The following CALN1 variants were observed in gnomAD, a reference collection of about 807,000 sequenced individuals.
CALN1 encodes the protein calcium-binding protein 8.
In CALN1, 17 loss-of-function variants were observed where a neutral mutation model predicts 30.6. The ratio of observed to expected loss-of-function variants is 0.56; its 90% CI spans 0.38 to 0.83. CALN1 has a LOEUF of 0.83. CALN1 is among the 40% of genes least tolerant of loss of function. CALN1 has a pLI of 0.00. For synonymous variants in CALN1, 156 were observed against 131.4 expected (o/e 1.19, Z -1.28); for missense variants, 291 against 354.9 (o/e 0.82, Z 1.45).
intron 5 of CALN1, among the ~76,000 whole-genome samples, chr7:71,820,962 G>A (rs943981814): frequency 2.0e-5 from 3 of 152,138 alleles, no homozygotes; most frequent in African/African-American, 4.8e-5. Flanking sequence ...AAGGCGAATG[G>A]GCCATCCAGG....
At chr7:71,827,771 T>TAAA (rs1554347602) in intron 5 of CALN1, among the ~76,000 whole-genome samples, 18 of 96,938 alleles carry the variant, frequency 1.9e-4, no homozygotes, top group African/African-American at 5.0e-4. Flanking sequence ...GACTCCATCT[T>TAAA]AAAAAAATAA....
At chr7:72,336,123 G>A (rs1802014465) in intron 2 of CALN1, among the ~76,000 whole-genome samples, 1 of 152,220 alleles carries the variant, frequency 6.6e-6, no homozygotes, top group Non-Finnish European at 1.5e-5. Flanking sequence ...CCCGGACTCG[G>A]GGTGGGTGGC....
intron 4 of CALN1, among the ~76,000 whole-genome samples, chr7:72,031,734 ATTTTT>A (rs544026184): frequency 1.7e-5 from 2 of 114,680 alleles, no homozygotes; most frequent in South Asian, 2.6e-4. Flanking sequence ...CGCCTGGCTA[ATTTTT>A]TTTTTTTTTT....
At chr7:72,432,846 A>G (rs1231262615) in intron 1 of CALN1, among the ~76,000 whole-genome samples, 1 of 152,142 alleles carries the variant, frequency 6.6e-6, no homozygotes, top group African/African-American at 2.4e-5. Flanking sequence ...GTCTTTTAAA[A>G]CCAGGAAATC....
chr7:72,265,132 G>T (rs574950501), intron 3 of CALN1, among the ~76,000 whole-genome samples: 3 of 152,296 alleles, frequency 2.0e-5, no homozygotes, highest in Non-Finnish European at 2.9e-5. Context: ...AAACCAGGAA[G>T]TTTTTGAGTC....
intron 5 of CALN1, among the ~76,000 whole-genome samples, chr7:72,018,536 C>T (rs1030399440): frequency 7.9e-5 from 12 of 152,170 alleles, no homozygotes; most frequent in Non-Finnish European, 1.3e-4. Flanking sequence ...CATAGGAAAG[C>T]GGTTCTGAAC....
At position 72,376,207 on chromosome 7, in the gene CALN1, T is replaced by C. The variant is rs557498209; in HGVS notation, c.119+27044A>G. Among the ~76,000 whole-genome samples the C allele has an allele frequency of 1.5e-4, 23 of 152,350 alleles. No homozygotes were observed. The South Asian group carries it at 4.6e-3, about 30-fold the overall frequency. ...TCAATAATTCTGCTACAAGCATTTA[T>C]ATACAAGTATTTGTGTGAACATGTG... On this transcript the variant is annotated intron_variant, in intron 2 of 6. Coordinates refer to ENST00000395275, the MANE Select transcript of CALN1 (RefSeq NM_031468.4).
At chr7:72,320,219 A>G (rs1266553889) in intron 2 of CALN1, among the ~76,000 whole-genome samples, 1 of 152,202 alleles carries the variant, frequency 6.6e-6, no homozygotes, top group Non-Finnish European at 1.5e-5. Flanking sequence ...GCCAAGATCA[A>G]GCCAAGCTGC....
intron 3 of CALN1, among the ~76,000 whole-genome samples, chr7:72,129,327 G>A (rs1351432657): frequency 6.6e-6 from 1 of 152,064 alleles, no homozygotes; most frequent in Non-Finnish European, 1.5e-5. Context: ...AATTTATACT[G>A]GTTATAAATG....
chr7:71,857,016 A>ATGTGTG (rs200594767), intron 5 of CALN1, among the ~76,000 whole-genome samples: 1,451 of 142,300 alleles, frequency 0.01, 10 homozygotes, highest in Middle Eastern at 0.036. Flanking sequence ...GTGTATATGT[A>ATGTGTG]TGTGTGTGTG....
chr7:72,137,140 T>C (rs564294779), intron 3 of CALN1, among the ~76,000 whole-genome samples: 9 of 152,268 alleles, frequency 5.9e-5, no homozygotes, highest in Admixed American at 5.9e-4. Flanking sequence ...AATGTTTCTA[T>C]GTGAAGGAAA....
chr7:72,377,517 T>A (rs1422180001), intron 2 of CALN1, among the ~76,000 whole-genome samples: 1 of 151,950 alleles, frequency 6.6e-6, no homozygotes, highest in African/African-American at 2.4e-5. Flanking sequence ...AACATTTTTT[T>A]GACTATTATA....
intron 3 of CALN1, among the ~76,000 whole-genome samples, chr7:72,128,121 G>C (rs1158319714): frequency 6.6e-6 from 1 of 152,038 alleles, no homozygotes; most frequent in East Asian, 1.9e-4. Flanking sequence ...CAATTCCATT[G>C]TAGGAATTCA....
At chr7:72,219,152 G>C (rs1793076032) in intron 3 of CALN1, among the ~76,000 whole-genome samples, 1 of 152,154 alleles carries the variant, frequency 6.6e-6, no homozygotes, top group African/African-American at 2.4e-5. Context: ...CCTAAGATCT[G>C]ACCACGGGCA....
chr7:72,201,691 A>G (rs1449047244), intron 3 of CALN1, among the ~76,000 whole-genome samples: 1 of 151,826 alleles, frequency 6.6e-6, no homozygotes, highest in Non-Finnish European at 1.5e-5. Context: ...AGCATCATGA[A>G]TACATCCATG....
At chr7:71,982,148 T>C (rs1798432464) in intron 5 of CALN1, among the ~76,000 whole-genome samples, 1 of 152,188 alleles carries the variant, frequency 6.6e-6, no homozygotes, top group African/African-American at 2.4e-5. Flanking sequence ...ACCAGATGCC[T>C]CTGGTCAGCC....
chr7:72,391,666 G>C (rs1805588010), intron 2 of CALN1, among the ~76,000 whole-genome samples: 2 of 152,114 alleles, frequency 1.3e-5, no homozygotes. Context: ...GGTCTCAAAA[G>C]ATCTGATGGT....
chr7:72,427,982 G>A (rs932123249), intron 1 of CALN1, among the ~76,000 whole-genome samples: 6 of 152,050 alleles, frequency 3.9e-5, no homozygotes, highest in African/African-American at 1.4e-4. Flanking sequence ...TTTTACACCT[G>A]ATATTCCGTC....
intron 5 of CALN1, among the ~76,000 whole-genome samples, chr7:71,864,683 G>A (rs1357301743): frequency 1.3e-5 from 2 of 152,104 alleles, no homozygotes; most frequent in Non-Finnish European, 2.9e-5. Flanking sequence ...CTAAGTTTGT[G>A]GCAATCTATT....
Sources: gnomAD v4.1 joint callset for allele counts (sites outside exome capture counted in the v4.1 genomes callset) on GRCh38, gnomAD v4.1.1 for gene constraint, MANE v1.5 for transcripts, NCBI Gene and HGNC (gene_info 2026-07-23, HGNC 2026-07-21) for gene names.